Variants in SLC24A3 observed in about 807,000 individuals in gnomAD.
SLC24A3 encodes the protein solute carrier family 24 member 3, also known as sodium/potassium/calcium exchanger 3.
In SLC24A3, 28 loss-of-function variants were observed where a neutral mutation model predicts 75.8. The ratio of observed to expected loss-of-function variants is 0.37; its 90% CI spans 0.27 to 0.51. The LOEUF (loss-of-function observed/expected upper bound fraction) is 0.51. SLC24A3 is among the 20% of genes least tolerant of loss of function. SLC24A3 has a pLI of 0.94. For missense variants in SLC24A3, 663 were observed against 847.8 expected (o/e 0.78, Z 2.71); for synonymous variants, 372 against 334.1 (o/e 1.11, Z -1.24).
chr20:19,683,807 C>G (rs2032641550), intron 10 of SLC24A3, among the ~76,000 whole-genome samples: 1 of 152,120 alleles, frequency 6.6e-6, no homozygotes, highest in Non-Finnish European at 1.5e-5. Flanking sequence ...TGTTTCAAGT[C>G]CTTTCAAAAG....
Position 19,232,956 on chromosome 20 carries a change from C to T in SLC24A3, c.142+19972C>T, listed in dbSNP as rs146907976. 8.5e-5 allele frequency among the ~76,000 whole-genome samples: 13 copies of T among 152,298 alleles called. No homozygotes were observed. In the East Asian group the frequency reaches 2.3e-3, roughly 27 times the overall value. On this transcript the variant is annotated intron_variant, in intron 1 of 16. Coordinates refer to ENST00000328041, the MANE Select transcript of SLC24A3 (RefSeq NM_020689.4). Reference sequence around the variant, plus strand: ...GGAGCTACCAATTTGGAAAATGAATCGACTTGGAAACTGAATCAACCCCCA... The same window carrying T: ...GGAGCTACCAATTTGGAAAATGAATTGACTTGGAAACTGAATCAACCCCCA...
chr20:19,720,173 G>A (rs1183745021), intron 16 of SLC24A3, among the ~76,000 whole-genome samples: 1 of 152,360 alleles, frequency 6.6e-6, no homozygotes, highest in East Asian at 1.9e-4. Context: ...ACTGGCTATG[G>A]TTGGCTGTAG....
At chr20:19,380,541 C>T (rs1986163306) in intron 2 of SLC24A3, among the ~76,000 whole-genome samples, 1 of 152,192 alleles carries the variant, frequency 6.6e-6, no homozygotes, top group Non-Finnish European at 1.5e-5. Context: ...AAGATTCAAC[C>T]TCCGATGATG....
chr20:19,235,067 T>G (rs1982126160), intron 1 of SLC24A3, among the ~76,000 whole-genome samples: 1 of 152,246 alleles, frequency 6.6e-6, no homozygotes, highest in South Asian at 2.1e-4. Context: ...CCAAGGATAC[T>G]TGACTCATTT....
intron 6 of SLC24A3, among the ~76,000 whole-genome samples, chr20:19,638,148 A>T (rs1190399103): frequency 4.0e-5 from 6 of 149,576 alleles, no homozygotes; most frequent in Admixed American, 2.7e-4. Context: ...TTCAACTCCC[A>T]CTTAGGACTG....
At chr20:19,556,552 T>C (rs1267501629) in intron 3 of SLC24A3, among the ~76,000 whole-genome samples, 1 of 146,406 alleles carries the variant, frequency 6.8e-6, no homozygotes, top group Non-Finnish European at 1.5e-5. Flanking sequence ...GAGTGTAAAA[T>C]TGTCACTGTA....
intron 2 of SLC24A3, among the ~76,000 whole-genome samples, chr20:19,295,951 C>T (rs186527899): frequency 6.6e-6 from 1 of 152,180 alleles, no homozygotes; most frequent in Admixed American, 6.5e-5. Flanking sequence ...CCTCTTTGTA[C>T]CTCTGGTAGA....
intron 1 of SLC24A3, among the ~76,000 whole-genome samples, chr20:19,259,757 C>T (rs1353115518): frequency 2.0e-5 from 3 of 152,158 alleles, no homozygotes; most frequent in Admixed American, 2.0e-4. Context: ...ACAGAAACAT[C>T]AAAACAATTA....
At chr20:19,605,618 T>G (rs1425695027) in intron 6 of SLC24A3, among the ~76,000 whole-genome samples, 2 of 152,228 alleles carry the variant, frequency 1.3e-5, no homozygotes, top group African/African-American at 4.8e-5. Context: ...TGTCTGCTTT[T>G]TAATTCAGCA....
chr20:19,650,747 G>C (rs1794477311), intron 6 of SLC24A3, among the ~76,000 whole-genome samples: 1 of 152,046 alleles, frequency 6.6e-6, no homozygotes, highest in African/African-American at 2.4e-5. Flanking sequence ...TCATAGTTGA[G>C]CCATTAATAC....
In SLC24A3 at chr20:19,556,829, C is replaced by G. The variant is rs1568655194; in HGVS notation, c.349-23171C>G. On this transcript the variant is annotated intron_variant, in intron 3 of 16. Transcript: ENST00000328041. Reference sequence around the variant, plus strand: ...AAGAAGTCTAACTAGAAAACAACACCAGGCAATCATGAGGTCTGCAGACGG... The same window carrying G: ...AAGAAGTCTAACTAGAAAACAACACGAGGCAATCATGAGGTCTGCAGACGG... Among the ~76,000 whole-genome samples, 6 of 152,280 alleles carry G rather than the reference C, an allele frequency of 3.9e-5. No individual in the cohort carries two copies. The South Asian group carries it at 1.2e-3, about 32-fold the overall frequency.
intron 15 of SLC24A3, among the ~76,000 whole-genome samples, chr20:19,710,320 T>A (rs953948791): frequency 2.0e-5 from 3 of 152,168 alleles, no homozygotes; most frequent in Non-Finnish European, 4.4e-5. Context: ...AGAACTGTTT[T>A]ATGAGCAGCA....
At chr20:19,281,210 T>C (rs2122224276) in intron 2 of SLC24A3, 123 bp downstream of exon 2, 1 of 1,415,904 alleles carries the variant, frequency 7.1e-7, no homozygotes, top group Non-Finnish European at 9.5e-7. Flanking sequence ...ATGTTTAGGA[T>C]GGGAGTCTAA....
intron 2 of SLC24A3, among the ~76,000 whole-genome samples, chr20:19,330,947 A>G (rs1458429077): frequency 6.6e-6 from 1 of 152,164 alleles, no homozygotes; most frequent in African/African-American, 2.4e-5. Flanking sequence ...AGTTATGAGG[A>G]AGCACCAGAA....
At chr20:19,588,856 A>G (rs1432470223) in intron 6 of SLC24A3, among the ~76,000 whole-genome samples, 1 of 152,254 alleles carries the variant, frequency 6.6e-6, no homozygotes, top group Non-Finnish European at 1.5e-5. Flanking sequence ...ATGCAGTTTA[A>G]CTGCATCCCA....
At chr20:19,710,381 A>G (rs2032975279) in intron 15 of SLC24A3, among the ~76,000 whole-genome samples, 1 of 152,218 alleles carries the variant, frequency 6.6e-6, no homozygotes, top group South Asian at 2.1e-4. Flanking sequence ...CATCCGTACT[A>G]AAAAATATAC....
At chr20:19,330,161 A>C (rs781659646) in intron 2 of SLC24A3, among the ~76,000 whole-genome samples, 1 of 152,220 alleles carries the variant, frequency 6.6e-6, no homozygotes, top group East Asian at 1.9e-4. Flanking sequence ...AGTTGCTTGC[A>C]GGGATGCGGT....
chr20:19,630,213 T>C lies in SLC24A3; in HGVS notation c.613-23849T>C, dbSNP rs140046480. 5.7e-3 allele frequency among the ~76,000 whole-genome samples: 872 copies of C among 152,268 alleles called. 11 individuals carry two copies. The highest frequency in any genetic ancestry group is 0.017 in the African/African-American group (721 of 41,554). On this transcript the variant is annotated intron_variant, in intron 6 of 16. Coordinates refer to ENST00000328041, the MANE Select transcript of SLC24A3 (RefSeq NM_020689.4). Reference sequence around the variant, plus strand: ...GTTGCCCAGATGGAGATGAGGGAGATTGTCAAAGTTTAAAACATTATACAA... The same window carrying C: ...GTTGCCCAGATGGAGATGAGGGAGACTGTCAAAGTTTAAAACATTATACAA...
At chr20:19,240,502 C>G (rs548008798) in intron 1 of SLC24A3, among the ~76,000 whole-genome samples, 3 of 152,314 alleles carry the variant, frequency 2.0e-5, no homozygotes, top group South Asian at 4.1e-4. Flanking sequence ...TATGTGCAGA[C>G]AGGCTCAGGA....
Sources: gnomAD v4.1 joint callset for allele counts (sites outside exome capture counted in the v4.1 genomes callset) on GRCh38, gnomAD v4.1.1 for gene constraint, MANE v1.5 for transcripts, NCBI Gene and HGNC (gene_info 2026-07-23, HGNC 2026-07-21) for gene names.